Variants in PDXDC1 observed in about 807,000 individuals in gnomAD.
PDXDC1 encodes the protein pyridoxal dependent decarboxylase domain containing 1.
Under a neutral mutation model 100.1 loss-of-function variants are expected in PDXDC1, and 42 were observed. That is an observed-to-expected ratio of 0.42 (90% CI 0.33 to 0.54). The LOEUF is 0.54. PDXDC1 is among the 20% of genes least tolerant of loss of function. PDXDC1 has a pLI of 0.10. For missense variants in PDXDC1, 636 were observed against 979.2 expected (o/e 0.65, Z 4.68); for synonymous variants, 260 against 371.7 (o/e 0.70, Z 3.46).
intron 16 of PDXDC1, among the ~76,000 whole-genome samples, chr16:15,129,057 G>A (rs1006748312): frequency 2.4e-4 from 36 of 151,550 alleles, no homozygotes; most frequent in East Asian, 4.0e-4. Context: ...TGCCTGCCTC[G>A]GCCTCCCAAA....
intron 11 of PDXDC1, 63 bp downstream of exon 11, chr16:15,017,485 C>A (rs2041879873): frequency 2.3e-6 from 3 of 1,294,990 alleles, no homozygotes; most frequent in African/African-American, 3.0e-5. Context: ...GCTTTGGGGG[C>A]AAAATCCAGA....
chr16:15,136,187 CTCACAGCA>C, intron 16 of PDXDC1: 1 of 775,896 alleles, frequency 1.3e-6, no homozygotes, highest in Non-Finnish European at 2.1e-6. Flanking sequence ...TCCTCCCACC[CTCACAGCA>C]GCCCGCTGGG....
downstream of PDXDC1, chr16:15,038,358 G>A (rs895063868): frequency 4.6e-6 from 3 of 657,894 alleles, no homozygotes; most frequent in Non-Finnish European, 7.7e-6. Flanking sequence ...TAAGAAAAAA[G>A]TTGATTGCTT....
chr16:14,984,497 T>TATATATATATATATATATATATATA (rs1221650484), intron 1 of PDXDC1, among the ~76,000 whole-genome samples: 1 of 36,982 alleles, frequency 2.7e-5, no homozygotes, highest in Non-Finnish European at 8.4e-5. Flanking sequence ...ATATATATAT[T>TATATATATATATATATATATATATA]TTTTTTTTTT....
chr16:15,131,567 C>A (rs1452134884), intron 16 of PDXDC1: 61 of 1,608,614 alleles, frequency 3.8e-5, no homozygotes, highest in Middle Eastern at 4.5e-4. Context: ...TCGTTGAGCA[C>A]GCGGGAGCGC....
chr16:14,984,078 G>C (rs1200064822), intron 1 of PDXDC1, among the ~76,000 whole-genome samples: 2 of 152,230 alleles, frequency 1.3e-5, no homozygotes, highest in African/African-American at 4.8e-5. Context: ...TGAGAGGATC[G>C]CTTGAGCCCA....
downstream of PDXDC1, among the ~76,000 whole-genome samples, chr16:15,039,337 C>G (rs962797063): frequency 2.6e-5 from 4 of 152,162 alleles, no homozygotes; most frequent in African/African-American, 4.8e-5. Flanking sequence ...GTGAAAACAT[C>G]AGCATTTCAT....
intron 16 of PDXDC1, chr16:15,110,653 A>C (rs2047007791): frequency 6.4e-7 from 1 of 1,565,026 alleles, no homozygotes; most frequent in Non-Finnish European, 8.7e-7. Context: ...ACCTGAGGGC[A>C]AGAAGCTGTT....
rs1034340387 is a variant in PDXDC1 at position 15,059,224 on chromosome 16, C to G, written c.1399+29168C>G. 7.2e-5 allele frequency among the ~76,000 whole-genome samples: 11 copies of G among 152,232 alleles called. No homozygotes were observed. In the East Asian group the frequency reaches 9.6e-4, roughly 13 times the overall value. On this transcript the variant is annotated intron_variant, in intron 16 of 16. Transcript: ENST00000535621. ...TGGGCATCCTTAGTTTCTCAGCACT[C>G]CAAGGGACTGATTCTAGGGCACAGC...
intron 16 of PDXDC1, chr16:15,128,085 T>C (rs1192286138): frequency 6.2e-7 from 1 of 1,609,114 alleles, no homozygotes; most frequent in African/African-American, 1.3e-5. Flanking sequence ...CTGTGTGCCG[T>C]CTGCAGGTCC....
intron 16 of PDXDC1, chr16:15,086,016 T>A (rs113437125): frequency 1.4e-6 from 1 of 740,258 alleles, no homozygotes; most frequent in Non-Finnish European, 2.2e-6. Flanking sequence ...CCAGACCTGG[T>A]GCCAATATGC....
rs1356022771 is a variant in PDXDC1 at position 15,070,424 on chromosome 16, G to A, written c.1399+40368G>A. 6.6e-5 allele frequency among the ~76,000 whole-genome samples: 10 copies of A among 151,606 alleles called. No homozygotes were observed. The South Asian group carries it at 8.4e-4, about 13-fold the overall frequency. ...GCAAAGAAAGGAAGGATAAGGATGG[G>A]TGCGTAGGAAGACAACCTTCCAATT... On this transcript the variant is annotated intron_variant, in intron 16 of 16. Transcript: ENST00000535621.
rs1239772378 is a variant in PDXDC1 at position 15,036,225 on chromosome 16, C to T, written c.2317C>T (p.His773Tyr). 2 of 1,614,052 alleles carry T rather than the reference C, an allele frequency of 1.2e-6. No homozygotes were observed. The highest frequency in any genetic ancestry group is 1.7e-6 in the Non-Finnish European group (2 of 1,179,938). ...CGAGGCCTTCCAGAAAGGGGTCCCACACCCAGAAGATGACCACTCACAGGT... is the reference window on the plus strand; with the variant it reads ...CGAGGCCTTCCAGAAAGGGGTCCCATACCCAGAAGATGACCACTCACAGGT... Reference protein sequence around the residue: ...QTEAFQKGVPHPEDDHSQVEG... With the variant: ...QTEAFQKGVPYPEDDHSQVEG... Residue 773 changes from histidine (H) to tyrosine (Y), a missense_variant, in exon 23 of 23, where the codon CAC becomes TAC. Physicochemically the swap from His to Tyr is moderately conservative, Grantham distance 83. This residue lies in a region of PDXDC1 where 452 missense variants were observed against 402.9 expected (regional missense o/e 1.12). Coordinates refer to ENST00000396410, the MANE Select transcript of PDXDC1 (RefSeq NM_015027.4).
chr16:15,102,081 T>C (rs188666565), intron 16 of PDXDC1, among the ~76,000 whole-genome samples: 1,609 of 152,250 alleles, frequency 0.011, 9 homozygotes, highest in Middle Eastern at 0.058. Context: ...CGCCTGACCT[T>C]GTGATCCACC....
intron 1 of PDXDC1, among the ~76,000 whole-genome samples, chr16:14,983,061 G>A (rs1455353297): frequency 1.3e-5 from 2 of 152,164 alleles, no homozygotes; most frequent in African/African-American, 2.4e-5. Flanking sequence ...ATAACTCCAA[G>A]GTCTTCTAAT....
chr16:15,025,436 G>C (rs548828497), intron 13 of PDXDC1: 4 of 152,566 alleles, frequency 2.6e-5, no homozygotes, highest in Admixed American at 2.6e-4. Flanking sequence ...GCCCGCCGCC[G>C]TACCTTTAAA....
At chr16:15,056,648 C>A (rs12928099) in intron 16 of PDXDC1, among the ~76,000 whole-genome samples, 30,923 of 151,832 alleles carry the variant, frequency 0.2, 4,172 homozygotes, top group Middle Eastern at 0.34. Flanking sequence ...TAAAAATTAA[C>A]TGGGCACGGT....
At chr16:14,993,787 C>T (rs1319593458) in intron 1 of PDXDC1, among the ~76,000 whole-genome samples, 3 of 152,306 alleles carry the variant, frequency 2.0e-5, no homozygotes, top group Non-Finnish European at 2.9e-5. Context: ...TATTTCTCCA[C>T]ATCCTCTCCA....
chr16:15,132,367 GGGGA>G (rs1347843805), intron 16 of PDXDC1, among the ~76,000 whole-genome samples: 18 of 17,462 alleles, frequency 1.0e-3, no homozygotes, highest in African/African-American at 2.5e-3. Flanking sequence ...GGAGGGGCAA[GGGGA>G]GGGAGGGGGA....
Sources: gnomAD v4.1 joint callset for allele counts (sites outside exome capture counted in the v4.1 genomes callset) on GRCh38, gnomAD v4.1.1 for gene constraint, gnomAD v4.1.1 regional missense constraint, MANE v1.5 for transcripts, NCBI Gene and HGNC (gene_info 2026-07-23, HGNC 2026-07-21) for gene names.